KIF1A: variants seen among roughly 807,000 people sequenced by gnomAD.
KIF1A encodes the protein kinesin-like protein KIF1A.
A neutral mutation model predicts 227.3 loss-of-function variants in KIF1A; 46 were observed. The ratio of observed to expected loss-of-function variants is 0.20; its 90% CI spans 0.16 to 0.26. KIF1A has a LOEUF of 0.26. Among genes scored for constraint, KIF1A ranks in the 10% least tolerant of loss-of-function variants. The probability of loss-of-function intolerance (pLI) is 1.00; values close to 1 mark genes in which losing one functional copy is unlikely to be tolerated. For missense variants in KIF1A, 1,683 were observed against 2,485.9 expected (o/e 0.68, Z 6.87); for synonymous variants, 1,022 against 1,012.8 (o/e 1.01, Z -0.17).
At chr2:240,724,172 A>G (rs1218719016) in intron 40 of KIF1A, 136 bp from the exon 41 acceptor site, 3 of 759,094 alleles carry the variant, frequency 4.0e-6, no homozygotes, top group Non-Finnish European at 7.2e-6. Flanking sequence ...GAGGTCCCTG[A>G]GCTACAGCCC....
intron 18 of KIF1A, 102 bp from the exon 19 acceptor site, chr2:240,767,123 C>G (rs888093332): frequency 8.7e-7 from 1 of 1,145,464 alleles, no homozygotes; most frequent in African/African-American, 1.5e-5. Flanking sequence ...GTTTGGGAAA[C>G]ACCCAGCGCA....
intron 20 of KIF1A, among the ~76,000 whole-genome samples, chr2:240,765,213 G>C (rs969739221): frequency 6.6e-6 from 1 of 152,222 alleles, no homozygotes; most frequent in Non-Finnish European, 1.5e-5. Flanking sequence ...TTTATGCCAC[G>C]TGTGCCTGCA....
intron 29 of KIF1A, 93 bp from the exon 30 acceptor site, chr2:240,746,270 C>A: frequency 6.9e-7 from 1 of 1,456,490 alleles, no homozygotes; most frequent in South Asian, 1.3e-5. Context: ...AGGGCTGTGC[C>A]ACCCAGAGCC....
At position 240,717,174 on chromosome 2, in the gene KIF1A, G is replaced by T. The variant is rs921006450; in HGVS notation, c.*190C>A. On this transcript the variant is annotated 3_prime_UTR_variant, in exon 49 of 49. Coordinates refer to ENST00000498729, the MANE Select transcript of KIF1A (RefSeq NM_001244008.2). Reference sequence around the variant, plus strand: ...CACATTCTGCAAGAAGAACTGACACGCACAGCCTCTGCTGGGAGCACAGCT... The same window carrying T: ...CACATTCTGCAAGAAGAACTGACACTCACAGCCTCTGCTGGGAGCACAGCT... The T allele has an allele frequency of 2.2e-5, 12 of 544,768 alleles. No homozygotes were observed. The East Asian group carries it at 3.3e-4, about 15-fold the overall frequency. 33.7% of individuals were successfully genotyped at this position (544,768 alleles called of 1,614,324 possible).
In KIF1A at chr2:240,793,936, G is replaced by T. The variant is rs116242133; in HGVS notation, c.106+3711C>A. ...CACAGTCCCCGCCATCTTCCGAGGG[G>T]CCTGGCACACCAGCCAGGGCAGCCA... is the stretch of plus-strand genomic sequence containing the variant. On this transcript the variant is annotated intron_variant, in intron 2 of 48. Transcript: ENST00000498729. The surrounding 1 kb of genome is among the most constrained non-coding windows in gnomAD (Gnocchi z 4.8). Among the ~76,000 whole-genome samples the T allele has an allele frequency of 8.7e-3, 1,332 of 152,248 alleles. 11 individuals are homozygous for T. The highest frequency in any genetic ancestry group is 0.03 in the African/African-American group (1,244 of 41,540).
At position 240,736,908 on chromosome 2, in the gene KIF1A, C is replaced by T. The variant is rs777728786; in HGVS notation, c.4007+155G>A. On this transcript the variant is annotated intron_variant, in intron 38 of 48. Coordinates refer to ENST00000498729, the MANE Select transcript of KIF1A (RefSeq NM_001244008.2). This position sits in a 1 kb window ranked among gnomAD's most constrained non-coding sequence, Gnocchi z 4.7. ...AGCCGGGGGTGCAGAGGCCACCAGC[C>T]CCTCACCGCACAGCTCCTGCAGGTG... is the stretch of plus-strand genomic sequence containing the variant. 6.6e-6 allele frequency among the ~76,000 whole-genome samples: 1 copy of T among 152,178 alleles called. No individual in the cohort carries two copies. Among genetic ancestry groups the T allele is most frequent in the Non-Finnish European group, 1.5e-5 (1 of 68,042 alleles).
intron 2 of KIF1A, among the ~76,000 whole-genome samples, chr2:240,796,567 CCAAA>C (rs1217098472): frequency 6.6e-6 from 1 of 152,198 alleles, no homozygotes; most frequent in Non-Finnish European, 1.5e-5. Flanking sequence ...CTTCCAGGAA[CCAAA>C]CAGACAAAAC....
chr2:240,779,346 A>ACACTCAGTTCCT (rs796106218), intron 10 of KIF1A, among the ~76,000 whole-genome samples: 2 of 138,108 alleles, frequency 1.4e-5, no homozygotes, highest in African/African-American at 6.2e-5. Context: ...TCATAGTTCC[A>ACACTCAGTTCCT]CACTCAGTTC....
chr2:240,722,148 C>T (rs1401330214), intron 43 of KIF1A, among the ~76,000 whole-genome samples: 1 of 152,200 alleles, frequency 6.6e-6, no homozygotes, highest in East Asian at 1.9e-4. Flanking sequence ...AGGAAGCCTT[C>T]CCAGAGGCCC....
intron 2 of KIF1A, among the ~76,000 whole-genome samples, chr2:240,796,943 G>A (rs561280306): frequency 2.8e-4 from 42 of 151,774 alleles, no homozygotes; most frequent in African/African-American, 9.3e-4. Context: ...AGGGCATGTC[G>A]GATGGGTGCA....
Position 240,719,209 on chromosome 2 carries a change from A to G in KIF1A, c.5022-11T>C. The stretch of plus-strand genomic sequence containing the variant: ...TTGGAAACGATCGGGCTGAAGGCAG[A>G]GAGAGCTGCTCGCTGGGGCCCTCGG... On this transcript the variant is annotated splice_polypyrimidine_tract_variant and intron_variant, in intron 46 of 48. Coordinates refer to ENST00000498729, the MANE Select transcript of KIF1A (RefSeq NM_001244008.2). 2 of 1,594,920 alleles carry G rather than the reference A, an allele frequency of 1.3e-6. No homozygotes were observed. The highest frequency in any genetic ancestry group is 2.3e-5 in the East Asian group (1 of 43,972).
In KIF1A at chr2:240,771,038, G is replaced by A. The variant is rs1257829826; in HGVS notation, c.1274C>T (p.Ser425Phe). The A allele has an allele frequency of 6.2e-7, 1 of 1,613,208 alleles. No homozygotes were observed. Among genetic ancestry groups the A allele is most frequent in the African/African-American group, 1.3e-5 (1 of 74,902 alleles). The stretch of plus-strand genomic sequence containing the variant: ...GATGCGCTCGTGGAGGCTGGACACG[G>A]AGGCCGCGCGGCTGGACAGGGCTGA... The part of the protein sequence containing the change: ...SLSALSSRAA[S>F]VSSLHERILF... The change falls in exon 15 of 49, where the codon TCC (serine) becomes TTC (phenylalanine). Residue 425 changes from serine (S) to phenylalanine (F), a missense_variant. This residue lies in a region of KIF1A where 110 missense variants were observed against 133.1 expected (regional missense o/e 0.83). Transcript: ENST00000498729.
At position 240,787,310 on chromosome 2, in the gene KIF1A, C is replaced by T. The variant is rs1237269969; in HGVS notation, c.370G>A (p.Glu124Lys). The T allele has an allele frequency of 1.9e-6, 3 of 1,613,202 alleles. No homozygotes were observed. The highest frequency in any genetic ancestry group is 2.5e-6 in the Non-Finnish European group (3 of 1,179,688). Residue 124 changes from glutamate (E) to lysine (K), a missense_variant, in exon 5 of 49, where the codon GAG becomes AAG. Glu to Lys is a moderately conservative substitution (Grantham distance 56, BLOSUM62 1). Coordinates refer to ENST00000498729, the MANE Select transcript of KIF1A (RefSeq NM_001244008.2). ...TCGTTGATCCGAGAGAAGAGGTCCT[C>T]GCAGAGCTGCAGGAATGGGGGGACA... The part of the protein sequence containing the change: ...DQQGIIPQLC[E>K]DLFSRINDTT...
intron 27 of KIF1A, among the ~76,000 whole-genome samples, chr2:240,754,326 G>T (rs1216350678): frequency 1.3e-5 from 2 of 150,364 alleles, no homozygotes; most frequent in Non-Finnish European, 3.0e-5. Context: ...TGGGACATGT[G>T]GATCTGGCTG....
intron 1 of KIF1A, among the ~76,000 whole-genome samples, chr2:240,814,519 C>T (rs2058178314): frequency 6.6e-6 from 1 of 152,072 alleles, no homozygotes; most frequent in Admixed American, 6.5e-5. Flanking sequence ...GACAGGAAAC[C>T]AAGAAACAAG....
At chr2:240,772,830 A>T (rs1011017445) in intron 13 of KIF1A, among the ~76,000 whole-genome samples, 1 of 152,202 alleles carries the variant, frequency 6.6e-6, no homozygotes, top group African/African-American at 2.4e-5. Flanking sequence ...CACTTGCATC[A>T]GCATTGAACC....
intron 1 of KIF1A, 38 bp from the exon 2 acceptor site, chr2:240,797,850 T>C (rs953830035): frequency 2.7e-6 from 2 of 742,060 alleles, no homozygotes; most frequent in East Asian, 2.7e-5. Flanking sequence ...AAACAATATC[T>C]GAGGAGGCAG....
At chr2:240,731,628 C>G (rs541503880) in intron 38 of KIF1A, among the ~76,000 whole-genome samples, 3 of 152,196 alleles carry the variant, frequency 2.0e-5, no homozygotes, top group African/African-American at 7.2e-5. Flanking sequence ...CGGCCCTGAC[C>G]GGGAGCTGCC....
chr2:240,806,386 CA>C (rs2057406910), intron 1 of KIF1A, among the ~76,000 whole-genome samples: 1 of 152,188 alleles, frequency 6.6e-6, no homozygotes, highest in African/African-American at 2.4e-5. Context: ...GAACAATTCT[CA>C]AAACTCACAC....
Sources: gnomAD v4.1 joint callset for allele counts (sites outside exome capture counted in the v4.1 genomes callset) on GRCh38, gnomAD v4.1.1 for gene constraint, gnomAD v4.1.1 regional missense constraint, Gnocchi (gnomAD v3.1) non-coding constraint, MANE v1.5 for transcripts, NCBI Gene and HGNC (gene_info 2026-07-23, HGNC 2026-07-21) for gene names.